The following TRIM33 variants were observed in gnomAD, a reference collection of about 807,000 sequenced individuals.
TRIM33 encodes the protein E3 ubiquitin-protein ligase TRIM33.
TRIM33 carries 20 observed loss-of-function variants against 125.4 expected under a neutral mutation model. That is an observed-to-expected ratio of 0.16 (90% CI 0.11 to 0.23). The LOEUF (loss-of-function observed/expected upper bound fraction) is 0.23. Among genes scored for constraint, TRIM33 ranks in the 10% least tolerant of loss-of-function variants. The pLI is 1.00. For synonymous variants in TRIM33, 564 were observed against 513.9 expected (o/e 1.10, Z -1.32); for missense variants, 920 against 1,411.4 (o/e 0.65, Z 5.58).
In TRIM33 at chr1:114,398,342, TTAA is replaced by T. The variant is rs983667353; in HGVS notation, c.3121-355_3121-353del. 1.2e-4 allele frequency among the ~76,000 whole-genome samples: 18 copies of T among 152,286 alleles called. No individual in the cohort carries two copies. The East Asian group carries it at 1.3e-3, about 11-fold the overall frequency. On this transcript the variant is annotated intron_variant, in intron 18 of 19. Coordinates refer to ENST00000358465, the MANE Select transcript of TRIM33 (RefSeq NM_015906.4). ...AACTGACAAACTTTCAACAAACCAC[TTAA>T]TAAAAATTCTATCTGTATAGCAATA...
chr1:114,445,160 T>A (rs1259259439), intron 4 of TRIM33, among the ~76,000 whole-genome samples: 2 of 151,950 alleles, frequency 1.3e-5, no homozygotes, highest in African/African-American at 4.8e-5. Flanking sequence ...TCAAGAAAAA[T>A]GAACAATCAT....
intron 1 of TRIM33, among the ~76,000 whole-genome samples, chr1:114,505,368 T>C (rs1652934701): frequency 6.6e-6 from 1 of 152,086 alleles, no homozygotes; most frequent in Admixed American, 6.6e-5. Flanking sequence ...AGGCCAGAAC[T>C]GTCATATAGT....
intron 15 of TRIM33, among the ~76,000 whole-genome samples, chr1:114,403,395 C>A (rs1041066147): frequency 2.6e-5 from 4 of 152,036 alleles, no homozygotes; most frequent in Non-Finnish European, 4.4e-5. Context: ...TTTTTGGAGA[C>A]AGAATCTCCC....
intron 11 of TRIM33, among the ~76,000 whole-genome samples, chr1:114,415,216 G>A (rs146768957): frequency 6.6e-6 from 1 of 151,834 alleles, no homozygotes; most frequent in African/African-American, 2.4e-5. Context: ...AGCTAGTCTC[G>A]AACTCCTGGC....
chr1:114,511,194 A>C lies in TRIM33; in HGVS notation c.-118T>G. On this transcript the variant is annotated 5_prime_UTR_variant, in exon 1 of 20. Transcript: ENST00000358465. ...AGAGCGGCAGCCGAGAGCTAGCGAGAGAGCGAACCAACGAGAGCGCGCGCG... is the reference window on the plus strand; with the variant it reads ...AGAGCGGCAGCCGAGAGCTAGCGAGCGAGCGAACCAACGAGAGCGCGCGCG... The C allele has an allele frequency of 2.1e-6, 2 of 966,668 alleles. No individual in the cohort carries two copies. Among genetic ancestry groups the C allele is most frequent in the South Asian group, 4.7e-5 (1 of 21,262 alleles). 59.9% of individuals were successfully genotyped at this position (966,668 alleles called of 1,614,324 possible).
Position 114,394,367 on chromosome 1 carries a change from C to G in TRIM33, c.*3281G>C. On this transcript the variant is annotated 3_prime_UTR_variant, in exon 20 of 20. Transcript: ENST00000358465. ...AGACCATTTAATAACATACAGTAGG[C>G]CACAATCCAAGGGCATAGTTGGAAG... is the stretch of plus-strand genomic sequence containing the variant. The G allele has an allele frequency of 4.4e-6, 1 of 224,794 alleles. No homozygotes were observed. Among genetic ancestry groups the G allele is most frequent in the Non-Finnish European group, 8.9e-6 (1 of 112,428 alleles). 13.9% of individuals were successfully genotyped at this position (224,794 alleles called of 1,614,324 possible).
At chr1:114,459,463 A>G (rs1649822727) in intron 4 of TRIM33, among the ~76,000 whole-genome samples, 1 of 152,116 alleles carries the variant, frequency 6.6e-6, no homozygotes, top group Non-Finnish European at 1.5e-5. Context: ...CCAGTTGTTC[A>G]TTTGTATTCT....
chr1:114,411,142 C>T (rs1652559721), intron 11 of TRIM33, among the ~76,000 whole-genome samples: 1 of 152,090 alleles, frequency 6.6e-6, no homozygotes, highest in Non-Finnish European at 1.5e-5. Flanking sequence ...CAGGCTCAAG[C>T]CATGCCCTCC....
intron 1 of TRIM33, among the ~76,000 whole-genome samples, chr1:114,485,304 G>GAAAA (rs11405844): frequency 6.7e-6 from 1 of 148,230 alleles, no homozygotes; most frequent in Non-Finnish European, 1.5e-5. Flanking sequence ...TAAAAATACT[G>GAAAA]AAAAAAAAAA....
At chr1:114,451,621 TA>T (rs148499193) in intron 4 of TRIM33, among the ~76,000 whole-genome samples, 6,308 of 150,390 alleles carry the variant, frequency 0.042, 182 homozygotes, top group Middle Eastern at 0.092. Context: ...AGACTTCAAT[TA>T]AAAAAAAAAT....
chr1:114,463,097 T>C lies in TRIM33; in HGVS notation c.923+7A>G. On this transcript the variant is annotated splice_region_variant and intron_variant, in intron 4 of 19. Transcript: ENST00000358465. ...TATTTCCTGGTAAGCAATTATGATT[T>C]CTGTACCTATGTTCTTTGTGTTCCA... is the stretch of plus-strand genomic sequence containing the variant. The C allele has an allele frequency of 6.3e-7, 1 of 1,584,944 alleles. No homozygotes were observed. The highest frequency in any genetic ancestry group is 8.5e-7 in the Non-Finnish European group (1 of 1,170,350).
intron 4 of TRIM33, among the ~76,000 whole-genome samples, chr1:114,439,570 AG>A (rs1648529338): frequency 6.6e-6 from 1 of 151,106 alleles, no homozygotes; most frequent in African/African-American, 2.4e-5. Context: ...AAAAGTCATT[AG>A]TACATTAATA....
chr1:114,414,989 A>ATTTTT (rs56960865), intron 11 of TRIM33, among the ~76,000 whole-genome samples: 2,275 of 104,600 alleles, frequency 0.022, 217 homozygotes, highest in African/African-American at 0.058. Context: ...GGTAGATTCT[A>ATTTTT]TTTTTTTTTT....
intron 1 of TRIM33, among the ~76,000 whole-genome samples, chr1:114,464,775 T>C (rs893849974): frequency 2.6e-5 from 4 of 152,146 alleles, no homozygotes; most frequent in Non-Finnish European, 4.4e-5. Context: ...AGTGACCTTA[T>C]CAGGGGGAGG....
chr1:114,446,961 A>G (rs1312170025), intron 4 of TRIM33, among the ~76,000 whole-genome samples: 1 of 152,184 alleles, frequency 6.6e-6, no homozygotes, highest in African/African-American at 2.4e-5. Flanking sequence ...GGATTGCTTA[A>G]ACCCAGAAGG....
At chr1:114,413,863 A>G (rs1046781612) in intron 11 of TRIM33, among the ~76,000 whole-genome samples, 5 of 152,022 alleles carry the variant, frequency 3.3e-5, no homozygotes, top group African/African-American at 9.7e-5. Flanking sequence ...TCTCTACAAA[A>G]GAAAAATTTA....
At chr1:114,481,719 G>GT (rs1651372717) in intron 1 of TRIM33, among the ~76,000 whole-genome samples, 1 of 149,234 alleles carries the variant, frequency 6.7e-6, no homozygotes, top group Admixed American at 6.7e-5. Context: ...TTTTATATTG[G>GT]TTTTTTCCTC....
At chr1:114,480,066 A>C (rs1324458795) in intron 1 of TRIM33, among the ~76,000 whole-genome samples, 1 of 152,192 alleles carries the variant, frequency 6.6e-6, no homozygotes, top group African/African-American at 2.4e-5. Flanking sequence ...AAGATAGAGA[A>C]ATCAGATCGT....
chr1:114,459,009 G>A (rs1649788726), intron 4 of TRIM33, among the ~76,000 whole-genome samples: 1 of 152,170 alleles, frequency 6.6e-6, no homozygotes. Context: ...ATGAAAGCAT[G>A]AACAAAAGAG....
Sources: allele counts gnomAD v4.1 joint callset (sites outside exome capture counted in the v4.1 genomes callset), GRCh38; gene constraint gnomAD v4.1.1; transcripts MANE v1.5; gene names NCBI Gene and HGNC (gene_info 2026-07-23, HGNC 2026-07-21).